ZNF568: variants seen among roughly 807,000 people sequenced by gnomAD.
The protein encoded by ZNF568 is p53 inhibitor of SCO2 activation.
ZNF568 carries 11 observed loss-of-function variants against 18.1 expected under a neutral mutation model. The observed-to-expected ratio is 0.61, with a 90% CI of 0.38 to 1.00. The LOEUF is 1.00. Ranked by LOEUF, ZNF568 falls within the 50% of genes least tolerant of loss-of-function variation. ZNF568 has a pLI of 0.01. For synonymous variants in ZNF568, 213 were observed against 246.6 expected, an observed-to-expected ratio of 0.86 and a Z score of 1.28; for missense variants, 639 against 768.2, an observed-to-expected ratio of 0.83 and a Z score of 1.99.
intron 6 of ZNF568, among the ~76,000 whole-genome samples, chr19:36,966,041 G>A (rs1419221870): frequency 6.6e-6 from 1 of 151,604 alleles, no homozygotes; most frequent in East Asian, 2.0e-4. Flanking sequence ...ATCAGGCCAC[G>A]TGTGGTGGGT....
chr19:36,994,901 C>G (rs1288038272), intron 4 of ZNF568, among the ~76,000 whole-genome samples: 1 of 152,148 alleles, frequency 6.6e-6, no homozygotes, highest in African/African-American at 2.4e-5. Context: ...CTGCCGGCCT[C>G]AGCCTCCCAA....
intron 6 of ZNF568, among the ~76,000 whole-genome samples, chr19:36,962,230 G>A (rs1223892641): frequency 7.9e-6 from 1 of 127,298 alleles, no homozygotes; most frequent in African/African-American, 2.9e-5. Flanking sequence ...TGCTTTACCA[G>A]TGAGTTTTAT....
At chr19:36,960,399 C>T (rs574436979) in intron 6 of ZNF568, among the ~76,000 whole-genome samples, 5 of 152,054 alleles carry the variant, frequency 3.3e-5, no homozygotes, top group South Asian at 4.2e-4. Flanking sequence ...ATTACAGGTA[C>T]GAGCCACTGT....
chr19:36,919,252 A>G (rs2073408770), intron 2 of ZNF568, among the ~76,000 whole-genome samples: 1 of 152,168 alleles, frequency 6.6e-6, no homozygotes, highest in South Asian at 2.1e-4. Flanking sequence ...AACAGACAAA[A>G]ATAAGTCCTT....
At chr19:36,945,458 C>T (rs1206955620) in intron 6 of ZNF568, among the ~76,000 whole-genome samples, 1 of 151,920 alleles carries the variant, frequency 6.6e-6, no homozygotes, top group African/African-American at 2.4e-5. Flanking sequence ...ATGTATTTTC[C>T]TTATGATTAT....
At chr19:36,947,006 TTTTG>T (rs141590920) in intron 6 of ZNF568, among the ~76,000 whole-genome samples, 108 of 149,498 alleles carry the variant, frequency 7.2e-4, no homozygotes, top group Non-Finnish European at 1.1e-3. Context: ...CTAGAAGATT[TTTTG>T]TTTGTTTGTT....
intron 6 of ZNF568, among the ~76,000 whole-genome samples, chr19:36,973,059 C>G (rs2074249277): frequency 6.6e-6 from 1 of 152,250 alleles, no homozygotes; most frequent in African/African-American, 2.4e-5. Context: ...CTCGGCTTCA[C>G]TGGAGGCGGG....
intron 3 of ZNF568, among the ~76,000 whole-genome samples, chr19:36,924,951 A>C (rs2073527370): frequency 6.6e-6 from 1 of 152,176 alleles, no homozygotes; most frequent in Admixed American, 6.5e-5. Context: ...TTCTAGGGAG[A>C]TAAAATATTG....
chr19:36,983,512 G>A (rs1228215357), downstream of ZNF568, among the ~76,000 whole-genome samples: 1 of 152,116 alleles, frequency 6.6e-6, no homozygotes, highest in Non-Finnish European at 1.5e-5. Flanking sequence ...GTCCAGGGTG[G>A]TCAGTTTTTC....
chr19:36,925,926 A>G (rs1344792304), intron 4 of ZNF568, among the ~76,000 whole-genome samples: 2 of 152,186 alleles, frequency 1.3e-5, no homozygotes, highest in Non-Finnish European at 2.9e-5. Context: ...CCTGGAACCA[A>G]TTCTACATGG....
At chr19:36,968,123 T>C (rs535732078) in intron 6 of ZNF568, among the ~76,000 whole-genome samples, 1 of 152,282 alleles carries the variant, frequency 6.6e-6, no homozygotes, top group East Asian at 1.9e-4. Flanking sequence ...TATGTATATA[T>C]GTGTGTCAAC....
intron 4 of ZNF568, among the ~76,000 whole-genome samples, chr19:36,926,470 C>T (rs1298730847): frequency 2.6e-5 from 4 of 152,090 alleles, no homozygotes; most frequent in Non-Finnish European, 5.9e-5. Context: ...GGCTCAGTGA[C>T]TTATGAAGTG....
chr19:36,949,464 T>C (rs1359377911), intron 6 of ZNF568, 48 bp from the exon 7 acceptor site: 4 of 1,512,316 alleles, frequency 2.6e-6, no homozygotes, highest in Non-Finnish European at 3.5e-6. Context: ...ATTAATAGTC[T>C]AGTGGTAGAA....
chr19:36,971,311 A>T (rs886838983), intron 6 of ZNF568, among the ~76,000 whole-genome samples: 1 of 148,896 alleles, frequency 6.7e-6, no homozygotes, highest in South Asian at 2.1e-4. Context: ...TTGCTCTTGT[A>T]TATCAGTCTT....
At chr19:36,934,012 T>C (rs2073744675) in intron 4 of ZNF568, among the ~76,000 whole-genome samples, 2 of 149,900 alleles carry the variant, frequency 1.3e-5, no homozygotes, top group African/African-American at 2.4e-5. Flanking sequence ...GTTTGTGTCT[T>C]TCTAGAAATT....
At position 36,950,796 on chromosome 19, in the gene ZNF568, A is replaced by G. The variant is rs375895244; in HGVS notation, c.1643A>G (p.His548Arg). 6.2e-7 allele frequency: 1 copy of G among 1,613,736 alleles called. No individual in the cohort carries two copies. The highest frequency in any genetic ancestry group is 2.2e-5 in the East Asian group (1 of 44,858). Residue 548 changes from histidine to arginine, a missense_variant, in exon 7 of 7, where the codon CAT (histidine) becomes CGT (arginine). Transcript: ENST00000333987. ...AGTCAGAGACAAAATCTTCTTGAGCATGAAAAAATTCATACTGGAGAGAAA... is the reference window on the plus strand; with the variant it reads ...AGTCAGAGACAAAATCTTCTTGAGCGTGAAAAAATTCATACTGGAGAGAAA... ...AFSQRQNLLEHEKIHTGEKPF... is the reference protein window; with the variant it reads ...AFSQRQNLLEREKIHTGEKPF...
At chr19:36,985,832 T>A (rs1325360899) in intron 2 of ZNF568, among the ~76,000 whole-genome samples, 2 of 152,316 alleles carry the variant, frequency 1.3e-5, no homozygotes, top group East Asian at 1.9e-4. Flanking sequence ...CATTTTTTTT[T>A]AAATTTGATT....
At chr19:36,962,103 GC>G (rs2074155465) in intron 6 of ZNF568, among the ~76,000 whole-genome samples, 1 of 146,436 alleles carries the variant, frequency 6.8e-6, no homozygotes, top group South Asian at 2.2e-4. Flanking sequence ...CCATGCCCAG[GC>G]TTTTTTGTTG....
At chr19:36,983,586 C>G (rs2074349649), downstream of ZNF568, among the ~76,000 whole-genome samples, 1 of 152,068 alleles carries the variant, frequency 6.6e-6, no homozygotes, top group African/African-American at 2.4e-5. Context: ...CTATATGCAG[C>G]CATTAGATCA....
Sources: allele counts gnomAD v4.1 joint callset (sites outside exome capture counted in the v4.1 genomes callset), GRCh38; gene constraint gnomAD v4.1.1; transcripts MANE v1.5; gene names NCBI Gene and HGNC (gene_info 2026-07-23, HGNC 2026-07-21).